LTBP1: variants seen among roughly 807,000 people sequenced by gnomAD.
LTBP1 encodes latent transforming growth factor beta binding protein 1.
In LTBP1, 129 loss-of-function variants were observed where a neutral mutation model predicts 207.6. The observed-to-expected ratio is 0.62, with a 90% CI of 0.54 to 0.72. The LOEUF (loss-of-function observed/expected upper bound fraction) is 0.72, where lower values mean the gene tolerates loss of function less well. Among genes scored for constraint, LTBP1 ranks in the 30% least tolerant of loss-of-function variants. The probability of loss-of-function intolerance (pLI) is 0.00; values close to 1 mark genes in which losing one functional copy is unlikely to be tolerated. For missense variants in LTBP1, 2,281 were observed against 2,217.2 expected, an observed-to-expected ratio of 1.03 and a Z score of -0.58; for synonymous variants, 963 against 833.7, an observed-to-expected ratio of 1.16 and a Z score of -2.67.
chr2:33,167,062 G>A (rs907787478), intron 5 of LTBP1, among the ~76,000 whole-genome samples: 1 of 152,106 alleles, frequency 6.6e-6, no homozygotes, highest in Admixed American at 6.5e-5. Context: ...CCAGATCTGA[G>A]TTTTGTTTCT....
chr2:33,210,230 T>A (rs2090205270), intron 7 of LTBP1, among the ~76,000 whole-genome samples: 1 of 152,236 alleles, frequency 6.6e-6, no homozygotes, highest in Non-Finnish European at 1.5e-5. Context: ...AAGATATTAT[T>A]CGTGCTGAAC....
chr2:33,012,184 T>C (rs1687762048), intron 2 of LTBP1, among the ~76,000 whole-genome samples: 1 of 152,196 alleles, frequency 6.6e-6, no homozygotes, highest in African/African-American at 2.4e-5. Context: ...TGGTGCAAAA[T>C]TGAGCATAGA....
At chr2:33,314,686 AT>A (rs1249567254) in intron 23 of LTBP1, among the ~76,000 whole-genome samples, 4 of 152,230 alleles carry the variant, frequency 2.6e-5, no homozygotes, top group African/African-American at 9.6e-5. Flanking sequence ...AATACTATAA[AT>A]AAGACATGTC....
chr2:33,214,695 G>C (rs2090553458), intron 7 of LTBP1, among the ~76,000 whole-genome samples: 2 of 152,122 alleles, frequency 1.3e-5, no homozygotes, highest in Admixed American at 1.3e-4. Context: ...GTCACTCATT[G>C]TTTATCCAGT....
chr2:33,050,849 T>C (rs12470141), intron 3 of LTBP1, among the ~76,000 whole-genome samples: 12,584 of 151,834 alleles, frequency 0.083, 960 homozygotes, highest in East Asian at 0.35. Context: ...TTCTCCTGCC[T>C]CAGCCTCCTG....
At chr2:33,300,419 T>C (rs1289413302) in intron 20 of LTBP1, 32 bp from the exon 21 acceptor site, 2 of 1,607,832 alleles carry the variant, frequency 1.2e-6, no homozygotes, top group Admixed American at 3.3e-5. Flanking sequence ...GTAGTCTCTT[T>C]TTCAGAAAAA....
At chr2:33,005,568 C>G (rs1387828775) in intron 2 of LTBP1, among the ~76,000 whole-genome samples, 1 of 149,628 alleles carries the variant, frequency 6.7e-6, no homozygotes, top group Admixed American at 6.7e-5. Flanking sequence ...AGCTCAGATT[C>G]AAGAGAGAGG....
At chr2:33,373,082 G>A (rs1327412113) in intron 31 of LTBP1, among the ~76,000 whole-genome samples, 1 of 152,112 alleles carries the variant, frequency 6.6e-6, no homozygotes, top group African/African-American at 2.4e-5. Context: ...AAAGTAATTA[G>A]ACATTGTAAG....
At chr2:32,959,619 ATATTT>A (rs1422072511) in intron 2 of LTBP1, among the ~76,000 whole-genome samples, 1 of 48,098 alleles carries the variant, frequency 2.1e-5, no homozygotes, top group South Asian at 1.4e-3. Context: ...ATATATATAT[ATATTT>A]TTTTTTTTTT....
At chr2:33,176,938 G>A (rs1313476419) in intron 5 of LTBP1, among the ~76,000 whole-genome samples, 1 of 152,178 alleles carries the variant, frequency 6.6e-6, no homozygotes, top group Non-Finnish European at 1.5e-5. Context: ...TGCCTGCTAT[G>A]TGCTGAGTTC....
In LTBP1 at chr2:33,311,621, C is replaced by T. The variant is rs142508238; in HGVS notation, c.3604+2065C>T. On this transcript the variant is annotated intron_variant, in intron 23 of 33. Coordinates refer to ENST00000404816, the MANE Select transcript of LTBP1 (RefSeq NM_206943.4). ...TAAAAGTATATTTTCTTTTCTAATTCTTCTCGTCACAATTTGTTTTGGCCA... is the reference window on the plus strand; with the variant it reads ...TAAAAGTATATTTTCTTTTCTAATTTTTCTCGTCACAATTTGTTTTGGCCA... 6.0e-3 allele frequency among the ~76,000 whole-genome samples: 899 copies of T among 149,422 alleles called. 6 individuals carry two copies. Among genetic ancestry groups the T allele is most frequent in the African/African-American group, 0.021 (870 of 40,530 alleles).
chr2:33,203,511 A>G (rs1197346550), intron 7 of LTBP1, among the ~76,000 whole-genome samples: 1 of 152,206 alleles, frequency 6.6e-6, no homozygotes, highest in Admixed American at 6.5e-5. Flanking sequence ...TTACCCAGGT[A>G]GATGTCTTCT....
chr2:33,117,587 T>C (rs903938884), intron 4 of LTBP1, among the ~76,000 whole-genome samples: 1 of 152,146 alleles, frequency 6.6e-6, no homozygotes, highest in African/African-American at 2.4e-5. Context: ...TGTTAGGAGA[T>C]AGGCAATATT....
chr2:33,224,418 T>G (rs2091315169), intron 9 of LTBP1, among the ~76,000 whole-genome samples: 1 of 152,222 alleles, frequency 6.6e-6, no homozygotes, highest in Admixed American at 6.5e-5. Context: ...ATATGTTCTC[T>G]TGGTATGGTG....
intron 2 of LTBP1, among the ~76,000 whole-genome samples, chr2:32,952,383 T>C (rs1677271269): frequency 6.6e-6 from 1 of 152,234 alleles, no homozygotes; most frequent in African/African-American, 2.4e-5. Flanking sequence ...TGCATGTTAA[T>C]GTTCCTTTTC....
intron 10 of LTBP1, among the ~76,000 whole-genome samples, chr2:33,248,078 AG>A (rs1210087931): frequency 6.6e-6 from 1 of 152,166 alleles, no homozygotes; most frequent in Non-Finnish European, 1.5e-5. Flanking sequence ...TGGCCATCTC[AG>A]GTTAGGCCCC....
chr2:32,972,204 T>G (rs1055290833), intron 2 of LTBP1, among the ~76,000 whole-genome samples: 1 of 151,612 alleles, frequency 6.6e-6, no homozygotes, highest in Non-Finnish European at 1.5e-5. Flanking sequence ...TTTTTCTTAG[T>G]CTAGCAGTGG....
At chr2:33,267,043 T>C (rs1221622823) in intron 15 of LTBP1, among the ~76,000 whole-genome samples, 2 of 152,232 alleles carry the variant, frequency 1.3e-5, no homozygotes, top group Non-Finnish European at 2.9e-5. Flanking sequence ...ATCTCCGAGC[T>C]TTCGGGCAGC....
chr2:32,970,029 G>A (rs775273230), intron 2 of LTBP1, among the ~76,000 whole-genome samples: 1 of 152,166 alleles, frequency 6.6e-6, no homozygotes, highest in Non-Finnish European at 1.5e-5. Flanking sequence ...TAATGATGGT[G>A]AGCATTTTTC....
Sources: gnomAD v4.1 joint callset for allele counts (sites outside exome capture counted in the v4.1 genomes callset) on GRCh38, gnomAD v4.1.1 for gene constraint, MANE v1.5 for transcripts, NCBI Gene and HGNC (gene_info 2026-07-23, HGNC 2026-07-21) for gene names.